The following STK17A variants were observed in gnomAD, a reference collection of about 807,000 sequenced individuals.
STK17A encodes the protein serine/threonine-protein kinase 17A.
In STK17A, 26 loss-of-function variants were observed where a neutral mutation model predicts 43.7. The observed-to-expected ratio is 0.60, with a 90% CI of 0.44 to 0.83. The LOEUF (loss-of-function observed/expected upper bound fraction) is 0.83. STK17A is among the 40% of genes least tolerant of loss of function. STK17A has a pLI of 0.00. For missense variants in STK17A, 476 were observed against 511.6 expected (o/e 0.93, Z 0.67); for synonymous variants, 191 against 182.5 (o/e 1.05, Z -0.38).
At chr7:43,619,378 A>G (rs1398782912) in intron 3 of STK17A, among the ~76,000 whole-genome samples, 2 of 152,194 alleles carry the variant, frequency 1.3e-5, no homozygotes, top group African/African-American at 4.8e-5. Flanking sequence ...TATGCTGAGG[A>G]AGAGCCAGAG....
intron 2 of STK17A, among the ~76,000 whole-genome samples, chr7:43,602,841 C>T (rs577863356): frequency 3.9e-5 from 6 of 152,274 alleles, no homozygotes; most frequent in Non-Finnish European, 5.9e-5. Flanking sequence ...CTGCCTGTTG[C>T]GTATTCCTGT....
intron 3 of STK17A, among the ~76,000 whole-genome samples, chr7:43,616,404 A>G (rs2083347064): frequency 6.6e-6 from 1 of 152,174 alleles, no homozygotes; most frequent in African/African-American, 2.4e-5. Flanking sequence ...TGTTTCTTCC[A>G]TTCATTCACC....
intron 1 of STK17A, among the ~76,000 whole-genome samples, chr7:43,587,042 A>G (rs1258141154): frequency 1.3e-5 from 2 of 151,408 alleles, no homozygotes; most frequent in South Asian, 2.1e-4. Flanking sequence ...TGACTTTGAA[A>G]TCATTCCCAT....
At chr7:43,620,724 T>G (rs1197943920) in intron 4 of STK17A, among the ~76,000 whole-genome samples, 1 of 151,590 alleles carries the variant, frequency 6.6e-6, no homozygotes. Context: ...GTGAAATAGC[T>G]CTTTGTAATT....
chr7:43,613,306 C>T (rs2083048511), intron 3 of STK17A, among the ~76,000 whole-genome samples: 1 of 152,118 alleles, frequency 6.6e-6, no homozygotes, highest in African/African-American at 2.4e-5. Context: ...TGAATCCACA[C>T]AAATGAGGTG....
intron 1 of STK17A, among the ~76,000 whole-genome samples, chr7:43,587,438 A>G (rs1018176085): frequency 2.6e-5 from 4 of 151,324 alleles, no homozygotes; most frequent in African/African-American, 9.7e-5. Context: ...CCTTAAAGTA[A>G]ATTAGGGATG....
Position 43,623,729 on chromosome 7 carries a change from A to C in STK17A, c.761A>C (p.Tyr254Ser). Residue 254 changes from tyrosine to serine, a missense_variant, in exon 6 of 7, where the codon TAT becomes TCT. Physicochemically the swap from Tyr to Ser is moderately radical, Grantham distance 144 (BLOSUM62 -2). Coordinates refer to ENST00000319357, the MANE Select transcript of STK17A (RefSeq NM_004760.3). ...TTTAGGAGCATTGGAGTGTTAACAT[A>C]TGTCATGCTTACAGGAATATCACCT... ...TDMWSIGVLTYVMLTGISPFL... is the reference protein window; with the variant it reads ...TDMWSIGVLTSVMLTGISPFL... 1 of 1,607,338 alleles carries C rather than the reference A, an allele frequency of 6.2e-7. No homozygotes were observed. Among genetic ancestry groups the C allele is most frequent in the Non-Finnish European group, 8.5e-7 (1 of 1,177,584 alleles).
At chr7:43,592,687 T>TAA (rs34551277) in intron 1 of STK17A, among the ~76,000 whole-genome samples, 320 of 109,492 alleles carry the variant, frequency 2.9e-3, no homozygotes, top group African/African-American at 0.01. Flanking sequence ...CCATCTGTAC[T>TAA]AAAAAAAAAA....
At chr7:43,620,364 G>C (rs1359121152) in intron 4 of STK17A, among the ~76,000 whole-genome samples, 1 of 152,172 alleles carries the variant, frequency 6.6e-6, no homozygotes, top group Non-Finnish European at 1.5e-5. Flanking sequence ...CTGAGAGGTT[G>C]TGACCAGAGA....
Position 43,624,942 on chromosome 7 carries a change from C to G in STK17A, c.*100C>G. The G allele has an allele frequency of 3.7e-6, 4 of 1,085,116 alleles. No individual in the cohort carries two copies. The highest frequency in any genetic ancestry group is 5.2e-6 in the Non-Finnish European group (4 of 769,442). 67.2% of individuals were successfully genotyped at this position (1,085,116 alleles called of 1,614,324 possible). On this transcript the variant is annotated 3_prime_UTR_variant, in exon 7 of 7. Transcript: ENST00000319357. Reference sequence around the variant, plus strand: ...GGTACATGTACTGGAAGTGGATAACCAGTATCACTTACACAAACAAAAATA... The same window carrying G: ...GGTACATGTACTGGAAGTGGATAACGAGTATCACTTACACAAACAAAAATA...
chr7:43,603,039 T>C (rs1301492909), intron 2 of STK17A, among the ~76,000 whole-genome samples: 1 of 152,188 alleles, frequency 6.6e-6, no homozygotes, highest in Admixed American at 6.5e-5. Flanking sequence ...AACACTCCTA[T>C]ACAGTATAAT....
chr7:43,593,017 C>T (rs1230694086), intron 1 of STK17A, among the ~76,000 whole-genome samples: 1 of 152,196 alleles, frequency 6.6e-6, no homozygotes, highest in Non-Finnish European at 1.5e-5. Context: ...TTTTAGTGTG[C>T]TCATCACCTA....
intron 2 of STK17A, among the ~76,000 whole-genome samples, chr7:43,599,356 A>T (rs1357876733): frequency 1.3e-5 from 2 of 152,210 alleles, no homozygotes; most frequent in Non-Finnish European, 1.5e-5. Context: ...TTGTATTTGG[A>T]CAGTGGTTGT....
intron 3 of STK17A, among the ~76,000 whole-genome samples, chr7:43,610,353 A>C (rs2082747847): frequency 6.8e-6 from 1 of 147,188 alleles, no homozygotes; most frequent in African/African-American, 2.6e-5. Context: ...TCTCAAAAAA[A>C]AAAAAAAAAA....
At chr7:43,584,889 C>A (rs887683378) in intron 1 of STK17A, among the ~76,000 whole-genome samples, 1 of 152,124 alleles carries the variant, frequency 6.6e-6, no homozygotes, top group Non-Finnish European at 1.5e-5. Flanking sequence ...CTGAAGTAAC[C>A]CCTATTACCT....
intron 1 of STK17A, among the ~76,000 whole-genome samples, chr7:43,594,821 C>G (rs1240181019): frequency 6.8e-6 from 1 of 148,046 alleles, no homozygotes; most frequent in Non-Finnish European, 1.5e-5. Flanking sequence ...AGCAGGATCA[C>G]TTGAGGCCAG....
rs564626358 is a variant in STK17A at position 43,595,814 on chromosome 7, A to G, written c.207-87A>G. On this transcript the variant is annotated intron_variant, in intron 1 of 6. Coordinates refer to ENST00000319357, the MANE Select transcript of STK17A (RefSeq NM_004760.3). ...GTATATAAGCTAAATTTGAATATCT[A>G]CCAATGGGTATTTGGAAATTTCATT... is the stretch of plus-strand genomic sequence containing the variant. 12 of 1,255,648 alleles carry G rather than the reference A, an allele frequency of 9.6e-6. No individual in the cohort carries two copies. In the African/African-American group the frequency reaches 1.5e-4, roughly 16 times the overall value. 77.8% of individuals were successfully genotyped at this position (1,255,648 alleles called of 1,614,324 possible).
At chr7:43,597,630 CCA>C (rs959698786) in intron 2 of STK17A, among the ~76,000 whole-genome samples, 1 of 152,276 alleles carries the variant, frequency 6.6e-6, no homozygotes, top group African/African-American at 2.4e-5. Context: ...GGTGATCCAT[CCA>C]CCTCGGCCTC....
At position 43,610,055 on chromosome 7, in the gene STK17A, A is replaced by G. The variant is rs114832679; in HGVS notation, c.564+1655A>G. ...GCCAGGGGCCACTTTAAGAATTGCT[A>G]TATGGCCAGGGCCGGGCGCGGTGGC... On this transcript the variant is annotated intron_variant, in intron 3 of 6. Transcript: ENST00000319357. Among the ~76,000 whole-genome samples, 574 of 152,368 alleles carry G rather than the reference A, an allele frequency of 3.8e-3. 1 individual carries two copies. Among genetic ancestry groups the G allele is most frequent in the Non-Finnish European group, 6.9e-3 (467 of 68,030 alleles).
Sources: allele counts gnomAD v4.1 joint callset (sites outside exome capture counted in the v4.1 genomes callset), GRCh38; gene constraint gnomAD v4.1.1; transcripts MANE v1.5; gene names NCBI Gene and HGNC (gene_info 2026-07-23, HGNC 2026-07-21).